ARMH1: variants seen among roughly 807,000 people sequenced by gnomAD.
ARMH1 encodes armadillo-like helical domain containing protein 1.
In ARMH1, 34 loss-of-function variants were observed where a neutral mutation model predicts 50.2. The observed-to-expected ratio is 0.68, with a 90% CI of 0.51 to 0.90. ARMH1 has a LOEUF of 0.90. ARMH1 is among the 40% of genes least tolerant of loss of function. The probability of loss-of-function intolerance (pLI) is 0.00; values close to 1 mark genes in which losing one functional copy is unlikely to be tolerated. For synonymous variants in ARMH1, 221 were observed against 224.2 expected (o/e 0.99, Z 0.13); for missense variants, 538 against 553.9 (o/e 0.97, Z 0.29).
chr1:44,690,092 C>G (rs1218715184), intron 2 of ARMH1, among the ~76,000 whole-genome samples, 189 bp downstream of exon 2: 2 of 152,088 alleles, frequency 1.3e-5, no homozygotes, highest in African/African-American at 4.8e-5. Flanking sequence ...GTGGCAGGTG[C>G]CTGTAACCCC....
chr1:44,702,413 C>CA (rs1646123695), intron 5 of ARMH1, among the ~76,000 whole-genome samples: 1 of 151,960 alleles, frequency 6.6e-6, no homozygotes, highest in Non-Finnish European at 1.5e-5. Context: ...TCTGCCTCTT[C>CA]AAAAAAGGGC....
At chr1:44,710,833 T>A (rs1646583392) in intron 6 of ARMH1, among the ~76,000 whole-genome samples, 1 of 152,160 alleles carries the variant, frequency 6.6e-6, no homozygotes, top group African/African-American at 2.4e-5. Context: ...AACCCTGAAT[T>A]CAGCGAGCAG....
chr1:44,720,769 C>T (rs61789937), intron 6 of ARMH1, among the ~76,000 whole-genome samples: 12,617 of 152,082 alleles, frequency 0.083, 645 homozygotes, highest in Non-Finnish European at 0.13. Flanking sequence ...GGCGTGGTGG[C>T]TCACACCTGT....
At chr1:44,712,540 A>C (rs907227792) in intron 6 of ARMH1, among the ~76,000 whole-genome samples, 3 of 150,050 alleles carry the variant, frequency 2.0e-5, no homozygotes, top group African/African-American at 7.4e-5. Flanking sequence ...AACCGCAAAA[A>C]AAAAAAAAAA....
In ARMH1 at chr1:44,682,081, T is replaced by C. The variant is rs1645331320; in HGVS notation, c.-23+7208T>C. Among the ~76,000 whole-genome samples the C allele has an allele frequency of 6.6e-6, 1 of 152,214 alleles. No individual in the cohort carries two copies. The highest frequency in any genetic ancestry group is 1.5e-5 in the Non-Finnish European group (1 of 68,044). On this transcript the variant is annotated intron_variant, in intron 1 of 11. Transcript: ENST00000535358. This position sits in a 1 kb window ranked among gnomAD's most constrained non-coding sequence, Gnocchi z 4.5. ...CGTTAACCAATCCCAAGCCCAGTGCTCGGCTCAGAGTTGGCACCTGGGAAT... is the reference window on the plus strand; with the variant it reads ...CGTTAACCAATCCCAAGCCCAGTGCCCGGCTCAGAGTTGGCACCTGGGAAT...
At chr1:44,714,899 T>C (rs1036022303) in intron 6 of ARMH1, among the ~76,000 whole-genome samples, 1 of 151,628 alleles carries the variant, frequency 6.6e-6, no homozygotes, top group African/African-American at 2.4e-5. Flanking sequence ...CTTTTTTTGT[T>C]GGGGGGGAAA....
At chr1:44,718,363 C>T (rs1331957305) in intron 6 of ARMH1, among the ~76,000 whole-genome samples, 1 of 152,126 alleles carries the variant, frequency 6.6e-6, no homozygotes, top group Non-Finnish European at 1.5e-5. Context: ...GACCACTTGG[C>T]TCCAAAAAAA....
intron 1 of ARMH1, among the ~76,000 whole-genome samples, chr1:44,687,720 A>G (rs1645520675): frequency 6.6e-6 from 1 of 152,188 alleles, no homozygotes; most frequent in South Asian, 2.1e-4. Context: ...TACCTTATAC[A>G]GAGCCACAGG....
Position 44,701,130 on chromosome 1 carries a change from G to A in ARMH1, c.639+11G>A, listed in dbSNP as rs908939914. On this transcript the variant is annotated intron_variant, in intron 5 of 11. Coordinates refer to ENST00000535358, the MANE Select transcript of ARMH1 (RefSeq NM_001145636.2). ...CTCAGGACTGCCCAGGTGAGCCAAG[G>A]CTGCATGCTCCTGTGGTTCTGATTC... 6.5e-7 allele frequency: 1 copy of A among 1,540,368 alleles called. No individual in the cohort carries two copies. Among genetic ancestry groups the A allele is most frequent in the Non-Finnish European group, 8.8e-7 (1 of 1,141,556 alleles).
At position 44,724,308 on chromosome 1, in the gene ARMH1, C is replaced by T; in HGVS notation, c.848-12C>T. On this transcript the variant is annotated splice_polypyrimidine_tract_variant and intron_variant, in intron 7 of 11. Transcript: ENST00000535358. The surrounding 1 kb of genome is among the most constrained non-coding windows in gnomAD (Gnocchi z 6.4). ...AGGGCGGTCTCTTGCCTCACGGCTG[C>T]CCCCTCCTCAGACCCCTCGGTTCTC... The T allele has an allele frequency of 6.4e-7, 1 of 1,551,132 alleles. No homozygotes were observed.
intron 6 of ARMH1, among the ~76,000 whole-genome samples, chr1:44,710,414 C>G (rs1264372461): frequency 6.6e-6 from 1 of 151,984 alleles, no homozygotes; most frequent in Non-Finnish European, 1.5e-5. Context: ...TCGAGACCAT[C>G]CTGGCTAACA....
Position 44,693,202 on chromosome 1 carries a change from C to T in ARMH1, c.206+3299C>T, listed in dbSNP as rs78305142. ...GTGTGGCTGTAGTGCCAGTGGTCCC[C>T]GGGTTATGCTTTGAGAAACATTGCT... On this transcript the variant is annotated intron_variant, in intron 2 of 11. Transcript: ENST00000535358. 9.0e-3 allele frequency among the ~76,000 whole-genome samples: 1,364 copies of T among 152,284 alleles called. 17 individuals carry two copies. The highest frequency in any genetic ancestry group is 0.031 in the African/African-American group (1,302 of 41,544).
At chr1:44,701,497 T>TC (rs1322923865) in intron 5 of ARMH1, among the ~76,000 whole-genome samples, 1 of 152,024 alleles carries the variant, frequency 6.6e-6, no homozygotes, top group East Asian at 1.9e-4. Context: ...GAAGGCTTTT[T>TC]TTTTTTTCTT....
At chr1:44,718,585 A>G (rs1370336925) in intron 6 of ARMH1, among the ~76,000 whole-genome samples, 1 of 152,184 alleles carries the variant, frequency 6.6e-6, no homozygotes, top group Non-Finnish European at 1.5e-5. Flanking sequence ...CTTTCCCTCC[A>G]CAATGTTGCT....
At chr1:44,678,797 G>A (rs796578247) in intron 1 of ARMH1, among the ~76,000 whole-genome samples, 27 of 152,272 alleles carry the variant, frequency 1.8e-4, no homozygotes, top group African/African-American at 6.3e-4. Context: ...GATTTGCCGG[G>A]GGGGTGGGGA....
In ARMH1 at chr1:44,681,149, C is replaced by G. The variant is rs1342607096; in HGVS notation, c.-23+6276C>G. On this transcript the variant is annotated intron_variant, in intron 1 of 11. Coordinates refer to ENST00000535358, the MANE Select transcript of ARMH1 (RefSeq NM_001145636.2). This position sits in a 1 kb window ranked among gnomAD's most constrained non-coding sequence, Gnocchi z 4.3. Reference sequence around the variant, plus strand: ...AGCTGGGACTGCAGGCGTCCACCACCATGCCCGGCTAACTTTTTGTATTTT... The same window carrying G: ...AGCTGGGACTGCAGGCGTCCACCACGATGCCCGGCTAACTTTTTGTATTTT... Among the ~76,000 whole-genome samples the G allele has an allele frequency of 6.6e-6, 1 of 151,868 alleles. No homozygotes were observed. The highest frequency in any genetic ancestry group is 1.5e-5 in the Non-Finnish European group (1 of 67,946).
chr1:44,693,716 AAAGTGCTGGGATTAT>A (rs1252436375), intron 2 of ARMH1, among the ~76,000 whole-genome samples: 5 of 152,184 alleles, frequency 3.3e-5, no homozygotes, highest in Admixed American at 2.0e-4. Context: ...TTGACCTCTC[AAAGTGCTGGGATTAT>A]AAGTGTGAGC....
At chr1:44,718,455 G>A (rs969647688) in intron 6 of ARMH1, among the ~76,000 whole-genome samples, 2 of 152,332 alleles carry the variant, frequency 1.3e-5, no homozygotes, top group East Asian at 1.9e-4. Context: ...GGCAGCAGCC[G>A]GTGCAGGCTA....
chr1:44,715,993 C>G (rs937912740), intron 6 of ARMH1, among the ~76,000 whole-genome samples: 2 of 152,232 alleles, frequency 1.3e-5, no homozygotes, highest in Non-Finnish European at 2.9e-5. Context: ...CCTGAACTCT[C>G]AAACATTCAA....
Sources: allele counts gnomAD v4.1 joint callset (sites outside exome capture counted in the v4.1 genomes callset), GRCh38; gene constraint gnomAD v4.1.1; non-coding constraint Gnocchi (gnomAD v3.1); transcripts MANE v1.5; gene names NCBI Gene and HGNC (gene_info 2026-07-23, HGNC 2026-07-21).